Variants in PRMT2 observed in about 807,000 individuals in gnomAD.
The protein encoded by PRMT2 is protein arginine methyltransferase 2.
In PRMT2, 26 loss-of-function variants were observed where a neutral mutation model predicts 57.6. The observed-to-expected ratio is 0.45, with a 90% CI of 0.33 to 0.63. The LOEUF (loss-of-function observed/expected upper bound fraction) is 0.63. Ranked by LOEUF, PRMT2 falls within the 20% of genes least tolerant of loss-of-function variation. The pLI, the probability that PRMT2 is intolerant of heterozygous loss-of-function variation, is 0.02. For missense variants in PRMT2, 472 were observed against 564.4 expected (o/e 0.84, Z 1.66); for synonymous variants, 219 against 220.0 (o/e 1.00, Z 0.04).
chr21:46,648,535 C>G lies in PRMT2; in HGVS notation c.405C>G (p.Ser135=), dbSNP rs878896973. The G allele has an allele frequency of 6.2e-7, 1 of 1,614,198 alleles. No homozygotes were observed. Among genetic ancestry groups the G allele is most frequent in the South Asian group, 1.1e-5 (1 of 91,090 alleles). The change falls in exon 6 of 12, where the codon TCC becomes TCG. Residue 135 remains serine (S), a synonymous_variant. Coordinates refer to ENST00000355680, the MANE Select transcript of PRMT2 (RefSeq NM_206962.4). This position sits in a 1 kb window ranked among gnomAD's most constrained non-coding sequence, Gnocchi z 4.8. ...YHSVILQNKE[S]LTDKVILDVG... is the part of the protein sequence containing the mutation. ...GTGTCATCCTGCAGAATAAAGAATC[C>G]CTGACGGATAAAGTCATCCTGGACG...
Position 46,663,403 on chromosome 21 carries a change from C to G in PRMT2, c.1118C>G (p.Thr373Arg). Residue 373 changes from threonine (T) to arginine (R), a missense_variant, in exon 11 of 12, where the codon ACG becomes AGG. Physicochemically the swap from Thr to Arg is moderately conservative, Grantham distance 71 (BLOSUM62 -1). Coordinates refer to ENST00000355680, the MANE Select transcript of PRMT2 (RefSeq NM_206962.4). ...TGCAGCACCACACACTGGAAGCAGA[C>G]GCTGTTCATGATGGACGACCCAGTC... ...PFHPTTHWKQ[T>R]LFMMDDPVPV... 6.2e-7 allele frequency: 1 copy of G among 1,613,254 alleles called. No individual in the cohort carries two copies. Among genetic ancestry groups the G allele is most frequent in the Non-Finnish European group, 8.5e-7 (1 of 1,179,334 alleles).
chr21:46,653,367 T>A (rs180759996), intron 7 of PRMT2: 15 of 985,438 alleles, frequency 1.5e-5, no homozygotes, highest in Non-Finnish European at 1.8e-5. Flanking sequence ...TTCGGATGTA[T>A]TTAAGGCTGT....
chr21:46,639,709 T>C (rs2061237862), intron 3 of PRMT2, among the ~76,000 whole-genome samples: 1 of 149,454 alleles, frequency 6.7e-6, no homozygotes, highest in Non-Finnish European at 1.5e-5. Flanking sequence ...TGTGTGTGTT[T>C]GTGTGTGTGT....
At chr21:46,641,784 A>G (rs539347713) in intron 3 of PRMT2, among the ~76,000 whole-genome samples, 61 of 150,794 alleles carry the variant, frequency 4.0e-4, no homozygotes, top group Non-Finnish European at 6.6e-4. Flanking sequence ...TGACATGGGC[A>G]TGGTGGAGGT....
Position 46,657,568 on chromosome 21 carries a change from G to A in PRMT2, c.655-1177G>A, listed in dbSNP as rs573361553. The A allele has an allele frequency of 3.9e-5, 6 of 152,312 alleles. No individual in the cohort carries two copies. In the East Asian group the frequency reaches 5.8e-4, roughly 15 times the overall value. The allele number at this position is 152,312 out of a possible 1,614,324, so 9.4% of individuals were successfully genotyped here. ...AAAGAAACTTGTCTTGAAAGGTTAT[G>A]TACTGTTTGGTTCCATTTGTATGAT... On this transcript the variant is annotated intron_variant, in intron 7 of 11. Transcript: ENST00000355680.
At position 46,664,624 on chromosome 21, in the gene PRMT2, C is replaced by T; in HGVS notation, c.*297C>T. 1 of 500,732 alleles carries T rather than the reference C, an allele frequency of 2.0e-6. No individual in the cohort carries two copies. Among genetic ancestry groups the T allele is most frequent in the Admixed American group, 3.3e-5 (1 of 30,404 alleles). 31.0% of individuals were successfully genotyped at this position (500,732 alleles called of 1,614,324 possible). On this transcript the variant is annotated 3_prime_UTR_variant, in exon 12 of 12. Transcript: ENST00000355680. ...GTGCCGACCCGTGGCTGGGTCGGAG[C>T]TCCATGTTCCTAAGCTAGGTCTAGG...
In PRMT2 at chr21:46,649,916, CTGATTTAAAAAA is replaced by C. The variant is rs1391203915; in HGVS notation, c.654+180_654+191del. 2.8e-6 allele frequency: 4 copies of C among 1,451,744 alleles called. No individual in the cohort carries two copies. Among genetic ancestry groups the C allele is most frequent in the Non-Finnish European group, 2.7e-6 (3 of 1,098,340 alleles). The allele number at this position is 1,451,744 out of a possible 1,614,324, so 89.9% of individuals were successfully genotyped here. The stretch of plus-strand genomic sequence containing the variant: ...TTGGCTCAGTGTCTTGAATTTTCAC[CTGATTTAAAAAA>C]TGCCTTTATGAGAAATTTAAGTCAA... On this transcript the variant is annotated intron_variant, in intron 7 of 11. Transcript: ENST00000355680. This position sits in a 1 kb window ranked among gnomAD's most constrained non-coding sequence, Gnocchi z 4.8.
chr21:46,660,610 G>A (rs1188061837), intron 8 of PRMT2, among the ~76,000 whole-genome samples: 3 of 152,120 alleles, frequency 2.0e-5, no homozygotes, highest in African/African-American at 7.2e-5. Context: ...GTCAGGCTCA[G>A]GAAGTCTCTG....
rs2061416040 is a variant in PRMT2, at chr21:46,649,450, G to A, written c.490-125G>A. 1.3e-6 allele frequency: 2 copies of A among 1,494,218 alleles called. No homozygotes were observed. Among genetic ancestry groups the A allele is most frequent in the Admixed American group, 1.7e-5 (1 of 59,336 alleles). The allele number at this position is 1,494,218 out of a possible 1,614,324, so 92.6% of individuals were successfully genotyped here. ...GTGGCCAGTCCTCGCTGCCTCTGCT[G>A]TCTGGAATGCTGCTTCCCTCTTGTG... On this transcript the variant is annotated intron_variant, in intron 6 of 11. Transcript: ENST00000355680. The surrounding 1 kb of genome is among the most constrained non-coding windows in gnomAD (Gnocchi z 4.8).
At chr21:46,659,353 C>A (rs2061586769) in intron 8 of PRMT2, 2 of 987,950 alleles carry the variant, frequency 2.0e-6, no homozygotes, top group Non-Finnish European at 2.4e-6. Flanking sequence ...TGGAATGGAC[C>A]CTGGGCTAGA....
At chr21:46,658,539 C>A in intron 7 of PRMT2, 1 of 834,020 alleles carries the variant, frequency 1.2e-6, no homozygotes, top group Non-Finnish European at 1.8e-6. Context: ...GTGACTTAAA[C>A]CCAGGCTGTG....
intron 8 of PRMT2, chr21:46,659,615 C>G: frequency 1.0e-6 from 1 of 984,236 alleles, no homozygotes; most frequent in Non-Finnish European, 1.2e-6. Flanking sequence ...TTTTCCCTAC[C>G]AGACAAGCAA....
At chr21:46,647,546 G>C (rs79777556) in intron 5 of PRMT2, among the ~76,000 whole-genome samples, 1 of 152,084 alleles carries the variant, frequency 6.6e-6, no homozygotes, top group Non-Finnish European at 1.5e-5. Flanking sequence ...TCGTATGAGT[G>C]GCTGGAGTGC....
In PRMT2 at chr21:46,635,719, C is replaced by T. The variant is rs2061155309; in HGVS notation, c.-210C>T. The stretch of plus-strand genomic sequence containing the variant: ...CTGGAAAGGACCGTCCACCCCTCCG[C>T]GCTGGCGGTGTGGACGCGGAACTCA... On this transcript the variant is annotated 5_prime_UTR_variant, in exon 1 of 12. Transcript: ENST00000355680. 2 of 152,398 alleles carry T rather than the reference C, an allele frequency of 1.3e-5. No individual in the cohort carries two copies. Among genetic ancestry groups the T allele is most frequent in the Admixed American group, 6.5e-5 (1 of 15,288 alleles). 9.4% of individuals were successfully genotyped at this position (152,398 alleles called of 1,614,324 possible). A position where few individuals can be genotyped will look rare whatever the true frequency, so the allele number is the denominator to read the frequency against.
In PRMT2 at chr21:46,649,818, A is replaced by C; in HGVS notation, c.654+79A>C. 1 of 1,560,346 alleles carries C rather than the reference A, an allele frequency of 6.4e-7. No individual in the cohort carries two copies. The highest frequency in any genetic ancestry group is 1.2e-5 in the South Asian group (1 of 85,594). On this transcript the variant is annotated intron_variant, in intron 7 of 11. Coordinates refer to ENST00000355680, the MANE Select transcript of PRMT2 (RefSeq NM_206962.4). The surrounding 1 kb of genome is among the most constrained non-coding windows in gnomAD (Gnocchi z 4.8). ...CGGGCTCGGCTGGGCCAACCTCAGG[A>C]TCTCAAGGGTCGTGCGTGATTCATT...
intron 7 of PRMT2, among the ~76,000 whole-genome samples, chr21:46,650,886 C>T (rs938796449): frequency 6.6e-6 from 1 of 152,138 alleles, no homozygotes; most frequent in Non-Finnish European, 1.5e-5. Context: ...GCCCAGTGGC[C>T]GGATTGGCCA....
chr21:46,652,883 A>ACGATTTC (rs1253404824), intron 7 of PRMT2: 1 of 1,302,866 alleles, frequency 7.7e-7, no homozygotes, highest in East Asian at 5.6e-5. Flanking sequence ...AGGCCACGCC[A>ACGATTTC]CGATTTCCGA....
Position 46,648,633 on chromosome 21 carries a change from C to T in PRMT2, c.489+14C>T, listed in dbSNP as rs199898513. On this transcript the variant is annotated intron_variant, in intron 6 of 11. Transcript: ENST00000355680. The surrounding 1 kb of genome is among the most constrained non-coding windows in gnomAD (Gnocchi z 4.8). ...CGGCCTAGAGCGGTGAGTGGGGTCTCGAGCGCATCCCGGGTGTTTGTGCCG... is the reference window on the plus strand; with the variant it reads ...CGGCCTAGAGCGGTGAGTGGGGTCTTGAGCGCATCCCGGGTGTTTGTGCCG... 256 of 1,608,960 alleles carry T rather than the reference C, an allele frequency of 1.6e-4. 1 individual carries two copies. The African/African-American group carries it at 2.2e-3, about 14-fold the overall frequency.
At chr21:46,661,676 G>A (rs377290723) in intron 9 of PRMT2, 124 bp from the exon 10 acceptor site, 1 of 1,033,426 alleles carries the variant, frequency 9.7e-7, no homozygotes. Flanking sequence ...CCCAGGCTGG[G>A]GGGCTTTTCT....
Sources: allele counts gnomAD v4.1 joint callset (sites outside exome capture counted in the v4.1 genomes callset), GRCh38; gene constraint gnomAD v4.1.1; non-coding constraint Gnocchi (gnomAD v3.1); transcripts MANE v1.5; gene names NCBI Gene and HGNC (gene_info 2026-07-23, HGNC 2026-07-21).